Variants in FARP1 observed in about 807,000 individuals in gnomAD.
FARP1 encodes the protein FERM, ARH/RhoGEF and pleckstrin domain protein 1, also known as FERM, ARHGEF and pleckstrin domain-containing protein 1.
In FARP1, 52 loss-of-function variants were observed where a neutral mutation model predicts 128.8. The observed-to-expected ratio is 0.40, with a 90% confidence interval of 0.32 to 0.51. The LOEUF is 0.51. FARP1 is among the 20% of genes least tolerant of loss of function. FARP1 has a pLI of 0.45. For synonymous variants in FARP1, 580 were observed against 551.8 expected, an observed-to-expected ratio of 1.05 and a Z score of -0.72; for missense variants, 1,333 against 1,367.9, an observed-to-expected ratio of 0.97 and a Z score of 0.40.
chr13:98,283,597 G>A (rs918447700), intron 2 of FARP1, among the ~76,000 whole-genome samples: 4 of 152,098 alleles, frequency 2.6e-5, no homozygotes, highest in African/African-American at 4.8e-5. Flanking sequence ...TAAACCTTCC[G>A]ATTTTATCAG....
At chr13:98,326,054 T>C (rs1887220339) in intron 2 of FARP1, among the ~76,000 whole-genome samples, 1 of 152,250 alleles carries the variant, frequency 6.6e-6, no homozygotes, top group East Asian at 1.9e-4. Context: ...CCTCAATAGC[T>C]GACTGCTTTG....
At chr13:98,219,474 T>A (rs1249619080) in intron 2 of FARP1, among the ~76,000 whole-genome samples, 1 of 151,628 alleles carries the variant, frequency 6.6e-6, no homozygotes, top group African/African-American at 2.4e-5. Flanking sequence ...TAGCTGGGAC[T>A]ACAGGTGCAT....
intron 2 of FARP1, among the ~76,000 whole-genome samples, chr13:98,235,527 G>A (rs896147894): frequency 5.3e-4 from 81 of 152,138 alleles, no homozygotes; most frequent in African/African-American, 1.8e-3. Context: ...AGTGATGCCC[G>A]GGTGTGGGAT....
At chr13:98,249,393 G>C (rs1425611383) in intron 2 of FARP1, among the ~76,000 whole-genome samples, 1 of 152,144 alleles carries the variant, frequency 6.6e-6, no homozygotes. Flanking sequence ...TCTTTTATGT[G>C]ACATGGTAAG....
In FARP1 at chr13:98,266,745, C is replaced by T. The variant is rs1297783197; in HGVS notation, c.171+53332C>T. Among the ~76,000 whole-genome samples, 2 of 152,116 alleles carry T rather than the reference C, an allele frequency of 1.3e-5. 1 individual carries two copies. The highest frequency in any genetic ancestry group is 1.3e-4 in the Admixed American group (2 of 15,278). On this transcript the variant is annotated intron_variant, in intron 2 of 26. Coordinates refer to ENST00000319562, the MANE Select transcript of FARP1 (RefSeq NM_005766.4). ...GATGGCATGAGGCCGGGCGTGGTGG[C>T]TCGCACCTATAATCCCAGCATTTTG...
At chr13:98,288,946 G>A (rs918589989) in intron 2 of FARP1, among the ~76,000 whole-genome samples, 2 of 147,714 alleles carry the variant, frequency 1.4e-5, no homozygotes, top group African/African-American at 5.0e-5. Context: ...TCTGGGTATT[G>A]TAGGAACAGC....
At chr13:98,272,068 C>T (rs1458175533) in intron 2 of FARP1, among the ~76,000 whole-genome samples, 1 of 151,998 alleles carries the variant, frequency 6.6e-6, no homozygotes, top group Non-Finnish European at 1.5e-5. Context: ...CTCGCTCTGT[C>T]TCCCAGGCTA....
Position 98,384,714 on chromosome 13 carries a change from TTC to T in FARP1, c.497-14_497-13del, listed in dbSNP as rs1278646916. On this transcript the variant is annotated splice_polypyrimidine_tract_variant and intron_variant, in intron 6 of 26. Coordinates refer to ENST00000319562, the MANE Select transcript of FARP1 (RefSeq NM_005766.4). ...TCATTCCTACGTGACCTGTTTTTCT[TTC>T]TGTTTCTTTTTAGCTGAGATTGGGG... The T allele has an allele frequency of 1.9e-6, 3 of 1,541,076 alleles. No homozygotes were observed. The highest frequency in any genetic ancestry group is 2.2e-5 in the East Asian group (1 of 44,530).
intron 2 of FARP1, among the ~76,000 whole-genome samples, chr13:98,249,178 A>T (rs1283903367): frequency 6.6e-6 from 1 of 152,114 alleles, no homozygotes; most frequent in Non-Finnish European, 1.5e-5. Flanking sequence ...TACAGCAAAT[A>T]ATGAGAATCG....
intron 2 of FARP1, among the ~76,000 whole-genome samples, chr13:98,280,202 G>A (rs1464432032): frequency 6.6e-6 from 1 of 152,184 alleles, no homozygotes; most frequent in Non-Finnish European, 1.5e-5. Flanking sequence ...AAAACCAGCA[G>A]TGGCTTCCCC....
chr13:98,280,809 C>T (rs1884898318), intron 2 of FARP1, among the ~76,000 whole-genome samples: 1 of 152,134 alleles, frequency 6.6e-6, no homozygotes, highest in African/African-American at 2.4e-5. Flanking sequence ...TATTCTTTCT[C>T]TGGATGTTAT....
intron 1 of FARP1, among the ~76,000 whole-genome samples, chr13:98,205,403 G>T (rs78356941): frequency 2.0e-5 from 3 of 151,408 alleles, no homozygotes; most frequent in Non-Finnish European, 4.4e-5. Context: ...AGTTCTCTGT[G>T]TTTTTTTTAG....
At chr13:98,402,215 TGAG>T (rs1890806420) in intron 13 of FARP1, 1 of 152,242 alleles carries the variant, frequency 6.6e-6, no homozygotes, top group Non-Finnish European at 1.5e-5. Flanking sequence ...TGCAGAATGT[TGAG>T]GAGTGAGGAG....
At chr13:98,437,811 A>G in intron 19 of FARP1, 1 of 1,596,986 alleles carries the variant, frequency 6.3e-7, no homozygotes, top group Non-Finnish European at 8.5e-7. Context: ...AGGACAAGCC[A>G]GGCGCATCCC....
intron 2 of FARP1, among the ~76,000 whole-genome samples, chr13:98,299,790 A>G (rs1329684): frequency 0.015 from 2,348 of 152,366 alleles, 23 homozygotes; most frequent in South Asian, 0.037. Flanking sequence ...ACACGACTGC[A>G]CGGACAAAAA....
At chr13:98,431,018 CCCT>C (rs764779940) in intron 17 of FARP1, 22 bp from the exon 18 acceptor site, 3 of 1,530,148 alleles carry the variant, frequency 2.0e-6, no homozygotes, top group Admixed American at 1.7e-5. Flanking sequence ...CTGAACAGGA[CCCT>C]CCTCCTCTGT....
rs543203599 is a variant in FARP1, at chr13:98,278,800, G to C, written c.172-64962G>C. Among the ~76,000 whole-genome samples, 4 of 148,716 alleles carry C rather than the reference G, an allele frequency of 2.7e-5. No individual in the cohort carries two copies. In the South Asian group the frequency reaches 8.4e-4, roughly 31 times the overall value. On this transcript the variant is annotated intron_variant, in intron 2 of 26. Coordinates refer to ENST00000319562, the MANE Select transcript of FARP1 (RefSeq NM_005766.4). Reference sequence around the variant, plus strand: ...ATACCTGCTGTGACGAGGCTGCATTGTTTTTCTTATCATTTTAATGTTATT... The same window carrying C: ...ATACCTGCTGTGACGAGGCTGCATTCTTTTTCTTATCATTTTAATGTTATT...
At chr13:98,152,743 T>C (rs1876102000) in intron 1 of FARP1, among the ~76,000 whole-genome samples, 1 of 141,572 alleles carries the variant, frequency 7.1e-6, no homozygotes, top group South Asian at 2.4e-4. Context: ...ATGAGAAAAC[T>C]GATTTCTACC....
intron 2 of FARP1, among the ~76,000 whole-genome samples, chr13:98,325,046 G>A (rs1887172282): frequency 6.6e-6 from 1 of 152,216 alleles, no homozygotes; most frequent in Non-Finnish European, 1.5e-5. Context: ...AGATACTGTA[G>A]AAGCACTTCA....
Sources: gnomAD v4.1 joint callset for allele counts (sites outside exome capture counted in the v4.1 genomes callset) on GRCh38, gnomAD v4.1.1 for gene constraint, MANE v1.5 for transcripts, NCBI Gene and HGNC (gene_info 2026-07-23, HGNC 2026-07-21) for gene names.